Variants in RUNX1 observed in about 807,000 individuals in gnomAD.
RUNX1 encodes the protein RUNX family transcription factor 1.
In RUNX1, 19 loss-of-function variants were observed where a neutral mutation model predicts 42.8. The ratio of observed to expected loss-of-function variants is 0.44; its 90% CI spans 0.31 to 0.65. The LOEUF (loss-of-function observed/expected upper bound fraction) is 0.65. Among genes scored for constraint, RUNX1 ranks in the 30% least tolerant of loss-of-function variants. RUNX1 has a pLI of 0.07. For missense variants in RUNX1, 528 were observed against 672.0 expected (o/e 0.79, Z 2.37); for synonymous variants, 271 against 289.4 (o/e 0.94, Z 0.64).
At chr21:34,860,137 G>A (rs1477939418) in intron 5 of RUNX1, among the ~76,000 whole-genome samples, 1 of 152,202 alleles carries the variant, frequency 6.6e-6, no homozygotes, top group Non-Finnish European at 1.5e-5. Context: ...AGGTACTCAT[G>A]GGATCAGTCA....
chr21:34,909,957 A>T (rs1180151802), intron 2 of RUNX1, among the ~76,000 whole-genome samples: 1 of 151,800 alleles, frequency 6.6e-6, no homozygotes, highest in Non-Finnish European at 1.5e-5. Flanking sequence ...TTCTTCTTCA[A>T]CTATTATCTA....
intron 7 of RUNX1, among the ~76,000 whole-genome samples, chr21:34,804,881 A>G (rs921673440): frequency 6.6e-6 from 1 of 151,714 alleles, no homozygotes; most frequent in Non-Finnish European, 1.5e-5. Flanking sequence ...AGCTGGGATT[A>G]CAGGCACCTG....
intron 2 of RUNX1, among the ~76,000 whole-genome samples, chr21:35,042,930 C>T (rs879772006): frequency 6.6e-6 from 1 of 152,200 alleles, no homozygotes; most frequent in South Asian, 2.1e-4. Context: ...TCCACCTTGG[C>T]TCCTTTCTGG....
chr21:34,883,741 T>A (rs1262767210), intron 4 of RUNX1, among the ~76,000 whole-genome samples: 2 of 152,234 alleles, frequency 1.3e-5, no homozygotes, highest in African/African-American at 4.8e-5. Flanking sequence ...CTCCCAATAC[T>A]GTTCTTGGCT....
rs747474266 is a variant in RUNX1 at position 34,887,163 on chromosome 21, C to T, written c.98-67G>A. 2.5e-6 allele frequency: 4 copies of T among 1,572,658 alleles called. No homozygotes were observed. In the African/African-American group the frequency reaches 4.1e-5, roughly 16 times the overall value. ...CCTGCAAACAGCTCCTACCAGACGG[C>T]GACAGGGGCGCGGATCTTCAGCAAG... On this transcript the variant is annotated intron_variant, in intron 3 of 8. Coordinates refer to ENST00000675419, the MANE Select transcript of RUNX1 (RefSeq NM_001754.5).
intron 6 of RUNX1, among the ~76,000 whole-genome samples, chr21:34,853,451 C>T (rs551014230): frequency 2.0e-5 from 3 of 152,266 alleles, no homozygotes; most frequent in African/African-American, 7.2e-5. Context: ...GCTCAAAAAG[C>T]GGCCAGTGCA....
In RUNX1 at chr21:34,788,936, A is replaced by G. The variant is rs2056402690; in HGVS notation, c.*3199T>C. On this transcript the variant is annotated 3_prime_UTR_variant, in exon 9 of 9. Transcript: ENST00000675419. ...AAAGAAACAGGTATTTCAAGGCAGA[A>G]ATCTGCAATCCTAAATTGCAGGACA... 8.6e-6 allele frequency: 2 copies of G among 233,234 alleles called. No homozygotes were observed. Among genetic ancestry groups the G allele is most frequent in the Non-Finnish European group, 1.7e-5 (2 of 118,078 alleles). The allele number at this position is 233,234 out of a possible 1,614,324, so 14.4% of individuals were successfully genotyped here. A position where few individuals can be genotyped will look rare whatever the true frequency, so the allele number is the denominator to read the frequency against.
At chr21:34,956,979 G>C (rs773282696) in intron 2 of RUNX1, among the ~76,000 whole-genome samples, 1 of 152,178 alleles carries the variant, frequency 6.6e-6, no homozygotes, top group African/African-American at 2.4e-5. Context: ...GCAGGGCCAC[G>C]GGTTACAGAG....
chr21:34,884,430 C>G (rs1250700258), intron 4 of RUNX1, among the ~76,000 whole-genome samples: 1 of 152,158 alleles, frequency 6.6e-6, no homozygotes, highest in African/African-American at 2.4e-5. Flanking sequence ...ATTTGCTTCT[C>G]TTTACCATAG....
chr21:34,794,828 G>T (rs1415200740), intron 8 of RUNX1, among the ~76,000 whole-genome samples: 1 of 152,150 alleles, frequency 6.6e-6, no homozygotes, highest in Non-Finnish European at 1.5e-5. Context: ...AGGATGTGTG[G>T]CAGCATCTCT....
rs1410773205 is a variant in RUNX1, at chr21:35,047,766, G to A, written c.58+1076C>T. ...ATTTGGGTGCTCAAGAGAGTTTGTA[G>A]CCAGAAAATTAATTATTCTCCCATC... On this transcript the variant is annotated intron_variant, in intron 2 of 8. Coordinates refer to ENST00000675419, the MANE Select transcript of RUNX1 (RefSeq NM_001754.5). Among the ~76,000 whole-genome samples, 3 of 152,112 alleles carry A rather than the reference G, an allele frequency of 2.0e-5. 1 individual carries two copies.
chr21:34,930,694 C>T (rs1420127268), intron 2 of RUNX1, among the ~76,000 whole-genome samples: 2 of 109,504 alleles, frequency 1.8e-5, no homozygotes, highest in African/African-American at 7.5e-5. Flanking sequence ...TACACTGCCA[C>T]ACACACACAC....
intron 2 of RUNX1, among the ~76,000 whole-genome samples, chr21:35,011,598 G>T (rs532714050): frequency 6.6e-6 from 1 of 152,126 alleles, no homozygotes; most frequent in East Asian, 1.9e-4. Flanking sequence ...TGCCAGGAGG[G>T]GTTTCAGCGC....
At chr21:34,852,936 C>T (rs1186033383) in intron 6 of RUNX1, among the ~76,000 whole-genome samples, 2 of 152,212 alleles carry the variant, frequency 1.3e-5, no homozygotes, top group African/African-American at 4.8e-5. Context: ...AACCATCTGA[C>T]ATTTTCATAA....
intron 3 of RUNX1, among the ~76,000 whole-genome samples, chr21:34,890,038 C>T (rs951242311): frequency 6.6e-6 from 1 of 152,174 alleles, no homozygotes; most frequent in Non-Finnish European, 1.5e-5. Flanking sequence ...CCGCTCCTCC[C>T]TCCCCCAGGG....
rs9982474 is a variant in RUNX1 at position 34,930,721 on chromosome 21, A to T, written c.59-37758T>A. On this transcript the variant is annotated intron_variant, in intron 2 of 8. Coordinates refer to ENST00000675419, the MANE Select transcript of RUNX1 (RefSeq NM_001754.5). ...CACACACACTCTCTCTCTCTCTCTCACACACACACACACACACACACACTC... is the reference window on the plus strand; with the variant it reads ...CACACACACTCTCTCTCTCTCTCTCTCACACACACACACACACACACACTC... Among the ~76,000 whole-genome samples, 176 of 121,334 alleles carry T rather than the reference A, an allele frequency of 1.5e-3. 1 individual carries two copies. Among genetic ancestry groups the T allele is most frequent in the African/African-American group, 4.9e-3 (102 of 20,970 alleles). 79.6% of individuals were successfully genotyped at this position (121,334 alleles called of 152,430 possible).
chr21:34,983,241 G>A (rs940117678), intron 2 of RUNX1, among the ~76,000 whole-genome samples: 5 of 152,162 alleles, frequency 3.3e-5, no homozygotes, highest in African/African-American at 4.8e-5. Context: ...TTAGAAACTC[G>A]AATGGTGATG....
At chr21:34,875,330 T>A (rs935624057) in intron 5 of RUNX1, among the ~76,000 whole-genome samples, 12 of 152,164 alleles carry the variant, frequency 7.9e-5, no homozygotes, top group African/African-American at 2.7e-4. Context: ...CTACATCAGA[T>A]CATGGAGGCA....
chr21:34,889,075 G>A (rs2058042188), intron 3 of RUNX1, among the ~76,000 whole-genome samples: 1 of 151,330 alleles, frequency 6.6e-6, no homozygotes, highest in African/African-American at 2.4e-5. Context: ...GGACCCGGCC[G>A]GCGCGCCGCA....
Sources: gnomAD v4.1 joint callset for allele counts (sites outside exome capture counted in the v4.1 genomes callset) on GRCh38, gnomAD v4.1.1 for gene constraint, MANE v1.5 for transcripts, NCBI Gene and HGNC (gene_info 2026-07-23, HGNC 2026-07-21) for gene names.